CCND1: variants seen among roughly 807,000 people sequenced by gnomAD.
CCND1 encodes cyclin D1, also known as G1/S-specific cyclin-D1.
Under a neutral mutation model 26.1 loss-of-function variants are expected in CCND1, and 9 were observed. The observed-to-expected ratio is 0.35, with a 90% CI of 0.21 to 0.60. The LOEUF (loss-of-function observed/expected upper bound fraction) is 0.60. Among genes scored for constraint, CCND1 ranks in the 20% least tolerant of loss-of-function variants. The probability of loss-of-function intolerance (pLI) is 0.79; values close to 1 mark genes in which losing one functional copy is unlikely to be tolerated. For missense variants in CCND1, 335 were observed against 392.9 expected, an observed-to-expected ratio of 0.85 and a Z score of 1.25; for synonymous variants, 194 against 166.1, an observed-to-expected ratio of 1.17 and a Z score of -1.29.
At chr11:69,643,511 C>G (rs1031065579) in intron 2 of CCND1, among the ~76,000 whole-genome samples, 1 of 152,260 alleles carries the variant, frequency 6.6e-6, no homozygotes, top group South Asian at 2.1e-4. Flanking sequence ...CGCGCGCCCT[C>G]CAGCGGCTGC....
In CCND1 at chr11:69,654,008, C is replaced by T. The variant is rs3212907; in HGVS notation, c.*2726C>T. On this transcript the variant is annotated 3_prime_UTR_variant, in exon 5 of 5. Coordinates refer to ENST00000227507, the MANE Select transcript of CCND1 (RefSeq NM_053056.3). This position sits in a 1 kb window ranked among gnomAD's most constrained non-coding sequence, Gnocchi z 6.3. Reference sequence around the variant, plus strand: ...CTCACAGTGCTGTGTGCCCCGGTCACCTAGCAAGCTGCCGAACCAAAAGAA... The same window carrying T: ...CTCACAGTGCTGTGTGCCCCGGTCATCTAGCAAGCTGCCGAACCAAAAGAA... The T allele has an allele frequency of 0.03, 17,885 of 598,250 alleles. 414 individuals carry two copies. The highest frequency in any genetic ancestry group is 0.042 in the Non-Finnish European group (14,121 of 335,570). 37.1% of individuals were successfully genotyped at this position (598,250 alleles called of 1,614,324 possible).
intron 3 of CCND1, 116 bp from the exon 4 acceptor site, chr11:69,647,878 G>A: frequency 8.5e-7 from 1 of 1,171,316 alleles, no homozygotes; most frequent in Non-Finnish European, 1.2e-6. Context: ...GATACCGAGT[G>A]CTTCCCTTCA....
rs765501135 is a variant in CCND1 at position 69,651,107 on chromosome 11, C to G, written c.724-11C>G. The G allele has an allele frequency of 2.5e-6, 4 of 1,610,792 alleles. No homozygotes were observed. The East Asian group carries it at 6.7e-5, about 27-fold the overall frequency. ...CCCTCTTCCCACCTCTCCCCACCCT[C>G]TCTCTCTCAGGACTGCCTCCGGGCC... On this transcript the variant is annotated splice_polypyrimidine_tract_variant and intron_variant, in intron 4 of 4. Transcript: ENST00000227507.
At chr11:69,644,027 A>G (rs571389626) in intron 3 of CCND1, 36 bp downstream of exon 3, 1 of 1,609,436 alleles carries the variant, frequency 6.2e-7, no homozygotes, top group South Asian at 1.1e-5. Context: ...CCTCCCCTTG[A>G]GAGCCGGCTC....
At chr11:69,644,186 G>T in intron 3 of CCND1, 195 bp downstream of exon 3, 1 of 620,944 alleles carries the variant, frequency 1.6e-6, no homozygotes. Context: ...AGGGAGATTT[G>T]CTCCCTCACG....
At chr11:69,649,521 C>T (rs189131459) in intron 4 of CCND1, among the ~76,000 whole-genome samples, 57 of 152,342 alleles carry the variant, frequency 3.7e-4, no homozygotes, top group African/African-American at 1.3e-3. Flanking sequence ...AGCAGAGGCC[C>T]CTGCATTTTC....
In CCND1 at chr11:69,652,982, T is replaced by G; in HGVS notation, c.*1700T>G. On this transcript the variant is annotated 3_prime_UTR_variant, in exon 5 of 5. Coordinates refer to ENST00000227507, the MANE Select transcript of CCND1 (RefSeq NM_053056.3). ...GGCATGGGTGCAAGGAAAATTAGGG[T>G]ACTCAACCTAAGTTCGGTTCCGATG... 5.3e-6 allele frequency: 2 copies of G among 380,268 alleles called. No individual in the cohort carries two copies. The highest frequency in any genetic ancestry group is 1.2e-4 in the South Asian group (2 of 17,388). 23.6% of individuals were successfully genotyped at this position (380,268 alleles called of 1,614,324 possible).
chr11:69,643,943 C>G lies in CCND1; in HGVS notation c.526C>G (p.Gln176Glu), dbSNP rs777185874. ...SKMPEAEENK[Q>E]IIRKHAQTFV... ...AATGCCAGAGGCGGAGGAGAACAAA[C>G]AGATCATCCGCAAACACGCGCAGAC... is the stretch of plus-strand genomic sequence containing the variant. Residue 176 changes from glutamine to glutamate, a missense_variant, in exon 3 of 5, where the codon CAG becomes GAG. Physicochemically the swap from Gln to Glu is conservative, Grantham distance 29. Transcript: ENST00000227507. The G allele has an allele frequency of 6.2e-7, 1 of 1,613,530 alleles. No homozygotes were observed. Among genetic ancestry groups the G allele is most frequent in the South Asian group, 1.1e-5 (1 of 91,080 alleles).
At position 69,651,960 on chromosome 11, in the gene CCND1, C is replaced by T. The variant is rs1158048486; in HGVS notation, c.*678C>T. ...TGAAGTCACCTCTTGGTTACAGTAGCGTAGCGTGCCCGTGTGCATGTCCTT... is the reference window on the plus strand; with the variant it reads ...TGAAGTCACCTCTTGGTTACAGTAGTGTAGCGTGCCCGTGTGCATGTCCTT... On this transcript the variant is annotated 3_prime_UTR_variant, in exon 5 of 5. Coordinates refer to ENST00000227507, the MANE Select transcript of CCND1 (RefSeq NM_053056.3). 2 of 232,882 alleles carry T rather than the reference C, an allele frequency of 8.6e-6. No homozygotes were observed. Among genetic ancestry groups the T allele is most frequent in the African/African-American group, 2.2e-5 (1 of 45,284 alleles). The allele number at this position is 232,882 out of a possible 1,614,324, so 14.4% of individuals were successfully genotyped here.
chr11:69,649,082 G>T (rs867678021), intron 4 of CCND1, among the ~76,000 whole-genome samples: 2 of 152,206 alleles, frequency 1.3e-5, no homozygotes, highest in African/African-American at 4.8e-5. Context: ...GGCCTCCCTT[G>T]CACCCTGCCC....
intron 3 of CCND1, among the ~76,000 whole-genome samples, chr11:69,645,893 G>A (rs556494269): frequency 6.6e-6 from 1 of 152,330 alleles, no homozygotes; most frequent in African/African-American, 2.4e-5. Context: ...CAGGGCAGGT[G>A]CGCCCTTGGC....
At chr11:69,648,569 A>G (rs1468326647) in intron 4 of CCND1, among the ~76,000 whole-genome samples, 3 of 152,224 alleles carry the variant, frequency 2.0e-5, no homozygotes, top group Non-Finnish European at 2.9e-5. Flanking sequence ...CAACGGGCGG[A>G]TAGAGACAGC....
intron 3 of CCND1, among the ~76,000 whole-genome samples, chr11:69,644,505 C>T (rs1398511235): frequency 6.6e-6 from 1 of 152,190 alleles, no homozygotes; most frequent in African/African-American, 2.4e-5. Context: ...GCAGGGGTGT[C>T]CAGCAGAGGA....
Position 69,643,020 on chromosome 11 carries a change from T to G in CCND1, c.199-11T>G. On this transcript the variant is annotated splice_polypyrimidine_tract_variant and intron_variant, in intron 1 of 4. Coordinates refer to ENST00000227507, the MANE Select transcript of CCND1 (RefSeq NM_053056.3). Reference sequence around the variant, plus strand: ...CTGGCGGCGGCGGTCACGGGCCCCGTGCCTCCGTAGGTCTGCGAGGAACAG... The same window carrying G: ...CTGGCGGCGGCGGTCACGGGCCCCGGGCCTCCGTAGGTCTGCGAGGAACAG... 3 of 1,550,020 alleles carry G rather than the reference T, an allele frequency of 1.9e-6. No individual in the cohort carries two copies. Among genetic ancestry groups the G allele is most frequent in the Non-Finnish European group, 2.6e-6 (3 of 1,146,788 alleles).
chr11:69,644,926 C>T (rs781077596), intron 3 of CCND1, among the ~76,000 whole-genome samples: 37 of 152,204 alleles, frequency 2.4e-4, no homozygotes, highest in Non-Finnish European at 4.1e-4. Flanking sequence ...ACAAGGCCCA[C>T]GGGGCATCAA....
Position 69,652,683 on chromosome 11 carries a change from T to C in CCND1, c.*1401T>C, listed in dbSNP as rs1242335589. The C allele has an allele frequency of 8.6e-6, 2 of 233,034 alleles. No homozygotes were observed. The highest frequency in any genetic ancestry group is 4.4e-5 in the African/African-American group (2 of 45,276). The allele number at this position is 233,034 out of a possible 1,614,324, so 14.4% of individuals were successfully genotyped here. Reference sequence around the variant, plus strand: ...GTTTTTAAACACTAAAATATATAATTTATAGTTAAGGCTAAAAAGTATATT... The same window carrying C: ...GTTTTTAAACACTAAAATATATAATCTATAGTTAAGGCTAAAAAGTATATT... On this transcript the variant is annotated 3_prime_UTR_variant, in exon 5 of 5. Transcript: ENST00000227507.
chr11:69,649,287 C>T (rs1051813616), intron 4 of CCND1, among the ~76,000 whole-genome samples: 4 of 152,220 alleles, frequency 2.6e-5, no homozygotes, highest in African/African-American at 9.6e-5. Flanking sequence ...GAGTGAAAAC[C>T]GCTTCCCCGC....
chr11:69,648,234 C>G (rs2120111182), intron 4 of CCND1, 92 bp downstream of exon 4: 1 of 1,485,600 alleles, frequency 6.7e-7, no homozygotes, highest in Non-Finnish European at 9.2e-7. Flanking sequence ...TGCCAAGGCC[C>G]CCAAGGGTGA....
chr11:69,643,948 C>T lies in CCND1; in HGVS notation c.531C>T (p.Ile177=). 1.2e-6 allele frequency: 2 copies of T among 1,613,506 alleles called. No homozygotes were observed. The highest frequency in any genetic ancestry group is 1.7e-6 in the Non-Finnish European group (2 of 1,180,022). Residue 177 remains isoleucine, a synonymous_variant, in exon 3 of 5, where the codon ATC becomes ATT. Transcript: ENST00000227507. ...CAGAGGCGGAGGAGAACAAACAGATCATCCGCAAACACGCGCAGACCTTCG... is the reference window on the plus strand; with the variant it reads ...CAGAGGCGGAGGAGAACAAACAGATTATCCGCAAACACGCGCAGACCTTCG... ...KMPEAEENKQ[I]IRKHAQTFVA...
Sources: gnomAD v4.1 joint callset for allele counts (sites outside exome capture counted in the v4.1 genomes callset) on GRCh38, gnomAD v4.1.1 for gene constraint, Gnocchi (gnomAD v3.1) non-coding constraint, MANE v1.5 for transcripts, NCBI Gene and HGNC (gene_info 2026-07-23, HGNC 2026-07-21) for gene names.